LTBP1: variants seen among roughly 807,000 people sequenced by gnomAD.
LTBP1 encodes latent transforming growth factor beta binding protein 1, also known as latent-transforming growth factor beta-binding protein 1.
In LTBP1, 129 loss-of-function variants were observed where a neutral mutation model predicts 207.6. That is an observed-to-expected ratio of 0.62 (90% CI 0.54 to 0.72). The LOEUF (loss-of-function observed/expected upper bound fraction) is 0.72, where lower values mean the gene tolerates loss of function less well. Among genes scored for constraint, LTBP1 ranks in the 30% least tolerant of loss-of-function variants. The pLI is 0.00. For missense variants in LTBP1, 2,281 were observed against 2,217.2 expected (o/e 1.03, Z -0.58); for synonymous variants, 963 against 833.7 (o/e 1.16, Z -2.67).
At chr2:32,993,761 G>T (rs1399125578) in intron 2 of LTBP1, among the ~76,000 whole-genome samples, 3 of 152,170 alleles carry the variant, frequency 2.0e-5, no homozygotes, top group Admixed American at 1.3e-4. Flanking sequence ...GGATCACCTG[G>T]CCTGACCCCC....
In LTBP1 at chr2:32,972,464, C is replaced by A. The variant is rs114518052; in HGVS notation, c.565+23519C>A. Among the ~76,000 whole-genome samples, 587 of 152,142 alleles carry A rather than the reference C, an allele frequency of 3.9e-3. 2 individuals carry two copies. The highest frequency in any genetic ancestry group is 0.012 in the African/African-American group (518 of 41,508). On this transcript the variant is annotated intron_variant, in intron 2 of 33. Transcript: ENST00000404816. ...AACTTTCATCTTAACACTGCTTTAG[C>A]TATGCCCCAGAGATTCTGGTATGTT... is the stretch of plus-strand genomic sequence containing the variant.
intron 4 of LTBP1, among the ~76,000 whole-genome samples, chr2:33,122,008 T>C (rs2081150622): frequency 6.6e-6 from 1 of 152,040 alleles, no homozygotes; most frequent in South Asian, 2.1e-4. Flanking sequence ...CATAGTTCTT[T>C]CTAGTTCTTC....
intron 26 of LTBP1, among the ~76,000 whole-genome samples, chr2:33,358,202 A>G (rs916689973): frequency 6.6e-6 from 1 of 152,152 alleles, no homozygotes; most frequent in South Asian, 2.1e-4. Flanking sequence ...CAAATGTCTT[A>G]GAAAATAAGA....
chr2:33,276,064 C>A, intron 18 of LTBP1, 141 bp downstream of exon 18: 2 of 1,026,914 alleles, frequency 1.9e-6, no homozygotes, highest in Non-Finnish European at 2.6e-6. Flanking sequence ...GATTCACAGG[C>A]TCTTTGCCTC....
In LTBP1 at chr2:33,301,587, T is replaced by C. The variant is rs747247267; in HGVS notation, c.3424T>C (p.Phe1142Leu). 2 of 1,613,240 alleles carry C rather than the reference T, an allele frequency of 1.2e-6. No homozygotes were observed. The highest frequency in any genetic ancestry group is 1.7e-6 in the Non-Finnish European group (2 of 1,179,638). Residue 1142 changes from phenylalanine to leucine, a missense_variant, in exon 22 of 34, where the codon TTT (phenylalanine) becomes CTT (leucine). Around this residue, in one of 3 missense-constraint regions of LTBP1, gnomAD observed 1,671 missense variants for 1,634.8 expected, o/e 1.02. Transcript: ENST00000404816. ...HGQCRNTEGS[F>L]QCVCDQGYRA... ...GCAGTGCAGGAACACTGAGGGCTCTTTTCAATGTGTGTGTGACCAGGGTTA... is the reference window on the plus strand; with the variant it reads ...GCAGTGCAGGAACACTGAGGGCTCTCTTCAATGTGTGTGTGACCAGGGTTA...
intron 2 of LTBP1, among the ~76,000 whole-genome samples, chr2:32,986,202 C>T (rs1199887140): frequency 1.3e-5 from 2 of 152,052 alleles, no homozygotes; most frequent in Non-Finnish European, 2.9e-5. Flanking sequence ...AATCCGGGCT[C>T]TTAGCAGCCA....
chr2:33,028,646 A>AACT (rs1212567907), intron 3 of LTBP1, among the ~76,000 whole-genome samples: 1 of 152,248 alleles, frequency 6.6e-6, no homozygotes, highest in Non-Finnish European at 1.5e-5. Flanking sequence ...GCCAGTAAGT[A>AACT]GTTCAGCTAT....
In LTBP1 at chr2:33,398,705, G is replaced by A; in HGVS notation, c.*160G>A. 3.2e-6 allele frequency: 2 copies of A among 616,296 alleles called. No homozygotes were observed. Among genetic ancestry groups the A allele is most frequent in the Non-Finnish European group, 5.3e-6 (2 of 375,572 alleles). The allele number at this position is 616,296 out of a possible 1,614,324, so 38.2% of individuals were successfully genotyped here. On this transcript the variant is annotated 3_prime_UTR_variant, in exon 34 of 34. Transcript: ENST00000404816. Reference sequence around the variant, plus strand: ...TGAAGACAATGAGAGGATTTAGGATGAGCCCGATAGGTGTGGCAGACCAAA... The same window carrying A: ...TGAAGACAATGAGAGGATTTAGGATAAGCCCGATAGGTGTGGCAGACCAAA...
chr2:33,332,260 T>C (rs189821161), intron 24 of LTBP1, among the ~76,000 whole-genome samples: 1 of 149,410 alleles, frequency 6.7e-6, no homozygotes, highest in African/African-American at 2.5e-5. Context: ...AAGCCAGGTG[T>C]GGTGGTGGGT....
Position 32,978,669 on chromosome 2 carries a change from T to A in LTBP1, c.565+29724T>A, listed in dbSNP as rs561081431. Among the ~76,000 whole-genome samples the A allele has an allele frequency of 2.0e-5, 3 of 150,798 alleles. No individual in the cohort carries two copies. The East Asian group carries it at 5.8e-4, about 29-fold the overall frequency. On this transcript the variant is annotated intron_variant, in intron 2 of 33. Coordinates refer to ENST00000404816, the MANE Select transcript of LTBP1 (RefSeq NM_206943.4). Reference sequence around the variant, plus strand: ...ATTGGCCTGTAGTTTTTTTTTAATTTTTTTTTTTTTTTTGCATGTGTCTTT... The same window carrying A: ...ATTGGCCTGTAGTTTTTTTTTAATTATTTTTTTTTTTTTGCATGTGTCTTT...
intron 2 of LTBP1, among the ~76,000 whole-genome samples, chr2:32,971,816 T>C (rs549629972): frequency 1.2e-4 from 18 of 152,326 alleles, no homozygotes; most frequent in African/African-American, 3.1e-4. Flanking sequence ...GCTGGCCTCG[T>C]AGAATGAGTT....
intron 4 of LTBP1, among the ~76,000 whole-genome samples, chr2:33,116,565 C>CA (rs1018082416): frequency 1.1e-4 from 17 of 150,434 alleles, no homozygotes; most frequent in African/African-American, 4.2e-4. Flanking sequence ...TGTTAAATTG[C>CA]AAAAAAAGAA....
chr2:32,980,864 A>T (rs901399415), intron 2 of LTBP1, among the ~76,000 whole-genome samples: 1 of 152,164 alleles, frequency 6.6e-6, no homozygotes, highest in Non-Finnish European at 1.5e-5. Context: ...CTAGGGTAAT[A>T]GTGATTTTCT....
At chr2:32,999,797 A>G (rs1017182540) in intron 2 of LTBP1, among the ~76,000 whole-genome samples, 1 of 132,620 alleles carries the variant, frequency 7.5e-6, no homozygotes, top group Non-Finnish European at 1.7e-5. Flanking sequence ...TGGGCGACAG[A>G]GTGAGACTCT....
chr2:33,380,255 C>T (rs992615615), intron 31 of LTBP1, among the ~76,000 whole-genome samples: 1 of 151,974 alleles, frequency 6.6e-6, no homozygotes, highest in African/African-American at 2.4e-5. Flanking sequence ...ATTGTCTTTC[C>T]AAGAGTTTTG....
At chr2:33,137,906 G>T (rs551841305) in intron 5 of LTBP1, among the ~76,000 whole-genome samples, 1 of 152,208 alleles carries the variant, frequency 6.6e-6, no homozygotes, top group South Asian at 2.1e-4. Flanking sequence ...TGTATAAGAG[G>T]GACAAGGTGA....
At chr2:33,105,743 T>C (rs1215759999) in intron 3 of LTBP1, among the ~76,000 whole-genome samples, 1 of 152,170 alleles carries the variant, frequency 6.6e-6, no homozygotes, top group Non-Finnish European at 1.5e-5. Context: ...TTTTTGCTGG[T>C]AGAGAGTCTT....
chr2:33,049,057 C>A (rs953344321), intron 3 of LTBP1, among the ~76,000 whole-genome samples: 4 of 152,134 alleles, frequency 2.6e-5, no homozygotes, highest in African/African-American at 4.8e-5. Flanking sequence ...AGAAAGTAAC[C>A]TTTAAAAAAA....
chr2:33,143,363 A>C (rs1001267333), intron 5 of LTBP1, among the ~76,000 whole-genome samples: 3 of 152,308 alleles, frequency 2.0e-5, no homozygotes, highest in Admixed American at 6.5e-5. Context: ...GAGATGCTGA[A>C]TGCATTTTTG....
Sources: gnomAD v4.1 joint callset for allele counts (sites outside exome capture counted in the v4.1 genomes callset) on GRCh38, gnomAD v4.1.1 for gene constraint, gnomAD v4.1.1 regional missense constraint, MANE v1.5 for transcripts, NCBI Gene and HGNC (gene_info 2026-07-23, HGNC 2026-07-21) for gene names.